The following RNF144A variants were observed in gnomAD, a reference collection of about 807,000 sequenced individuals.
RNF144A encodes the protein ring finger protein 144A, also known as E3 ubiquitin-protein ligase RNF144A.
In RNF144A, 11 loss-of-function variants were observed where a neutral mutation model predicts 38.7. That is an observed-to-expected ratio of 0.28 (90% CI 0.18 to 0.47). The LOEUF (loss-of-function observed/expected upper bound fraction) is 0.47. Ranked by LOEUF, RNF144A falls within the 20% of genes least tolerant of loss-of-function variation. RNF144A has a pLI of 0.99. For missense variants in RNF144A, 316 were observed against 377.2 expected, an observed-to-expected ratio of 0.84 and a Z score of 1.34; for synonymous variants, 149 against 143.9, an observed-to-expected ratio of 1.04 and a Z score of -0.25.
downstream of RNF144A, among the ~76,000 whole-genome samples, chr2:7,046,709 TC>T (rs1344456071): frequency 6.6e-6 from 1 of 152,170 alleles, no homozygotes; most frequent in Non-Finnish European, 1.5e-5. Flanking sequence ...ACATCATGGC[TC>T]ATGCTACCCA....
chr2:7,010,846 G>A (rs1188911677), intron 3 of RNF144A, among the ~76,000 whole-genome samples: 1 of 152,018 alleles, frequency 6.6e-6, no homozygotes, highest in African/African-American at 2.4e-5. Flanking sequence ...GAGCCTCCCT[G>A]CCCCCTTGAA....
At chr2:7,023,394 G>T (rs774938773) in intron 6 of RNF144A, among the ~76,000 whole-genome samples, 1 of 152,110 alleles carries the variant, frequency 6.6e-6, no homozygotes, top group Non-Finnish European at 1.5e-5. Flanking sequence ...CTCAACTGCC[G>T]TGAATATATA....
chr2:7,015,190 C>T (rs971450340), intron 5 of RNF144A, among the ~76,000 whole-genome samples: 3 of 152,150 alleles, frequency 2.0e-5, no homozygotes, highest in East Asian at 1.9e-4. Flanking sequence ...CAGTAACCCC[C>T]GTCCTAACAA....
intron 1 of RNF144A, among the ~76,000 whole-genome samples, chr2:6,921,388 G>A (rs146155953): frequency 2.6e-5 from 4 of 152,322 alleles, no homozygotes; most frequent in Non-Finnish European, 4.4e-5. Flanking sequence ...GGCACTAGAG[G>A]TGGAGGAGGT....
At chr2:7,034,318 T>C (rs1466854306) in intron 8 of RNF144A, among the ~76,000 whole-genome samples, 1 of 150,166 alleles carries the variant, frequency 6.7e-6, no homozygotes, top group East Asian at 2.0e-4. Context: ...CTTGGAGCGA[T>C]AGTGTTTGGG....
chr2:7,030,534 A>G (rs746694655), intron 8 of RNF144A, among the ~76,000 whole-genome samples: 23 of 152,030 alleles, frequency 1.5e-4, no homozygotes, highest in Non-Finnish European at 1.3e-4. Context: ...TGACCTGCTG[A>G]CCGTGTTTAG....
chr2:6,965,715 G>A lies in RNF144A; in HGVS notation c.-12+24568G>A, dbSNP rs74979829. Among the ~76,000 whole-genome samples the A allele has an allele frequency of 7.2e-3, 1,091 of 152,074 alleles. 7 individuals are homozygous for A. Among genetic ancestry groups the A allele is most frequent in the Middle Eastern group, 0.014 (4 of 294 alleles). On this transcript the variant is annotated intron_variant, in intron 2 of 8. Transcript: ENST00000320892. ...CCTTTCCAGGTGAATAAGGAAAAAG[G>A]CACGAGATTTATAAAAATTGCTTTT...
At chr2:6,945,832 G>T (rs929694966) in intron 2 of RNF144A, among the ~76,000 whole-genome samples, 12 of 152,094 alleles carry the variant, frequency 7.9e-5, no homozygotes, top group African/African-American at 2.7e-4. Context: ...ACTGTTAGAA[G>T]AATTATCACA....
intron 2 of RNF144A, among the ~76,000 whole-genome samples, chr2:6,979,065 TGTGTTTCCTGA>T (rs1157169990): frequency 6.6e-6 from 1 of 152,158 alleles, no homozygotes; most frequent in African/African-American, 2.4e-5. Flanking sequence ...AGCAGCCTTG[TGTGTTTCCTGA>T]GTGCCTATTG....
At chr2:6,971,805 C>G (rs1030071570) in intron 2 of RNF144A, among the ~76,000 whole-genome samples, 5 of 152,180 alleles carry the variant, frequency 3.3e-5, no homozygotes, top group Non-Finnish European at 5.9e-5. Context: ...TTCCAGTGAC[C>G]TAAGCCTGCT....
At position 6,988,158 on chromosome 2, in the gene RNF144A, A is replaced by G. The variant is rs1370992961; in HGVS notation, c.-11-8758A>G. Among the ~76,000 whole-genome samples, 13 of 152,364 alleles carry G rather than the reference A, an allele frequency of 8.5e-5. No individual in the cohort carries two copies. In the East Asian group the frequency reaches 2.3e-3, roughly 27 times the overall value. On this transcript the variant is annotated intron_variant, in intron 2 of 8. Transcript: ENST00000320892. Reference sequence around the variant, plus strand: ...GATTTAGTTTTAGATACAGATTTAGATGGACCGATATGGATTTAGATTTAG... The same window carrying G: ...GATTTAGTTTTAGATACAGATTTAGGTGGACCGATATGGATTTAGATTTAG...
rs1481174083 is a variant in RNF144A at position 7,041,850 on chromosome 2, A to C, written c.*2090A>C. Reference sequence around the variant, plus strand: ...GAGTCAGAGCCTTTGGAAAGGCTGCATCCCCAGGGCTAGAGCTCAGATGAC... The same window carrying C: ...GAGTCAGAGCCTTTGGAAAGGCTGCCTCCCCAGGGCTAGAGCTCAGATGAC... On this transcript the variant is annotated 3_prime_UTR_variant, in exon 9 of 9. Coordinates refer to ENST00000320892, the MANE Select transcript of RNF144A (RefSeq NM_014746.6). 1 of 985,354 alleles carries C rather than the reference A, an allele frequency of 1.0e-6. No individual in the cohort carries two copies. The highest frequency in any genetic ancestry group is 1.2e-6 in the Non-Finnish European group (1 of 829,972). The allele number at this position is 985,354 out of a possible 1,614,324, so 61.0% of individuals were successfully genotyped here.
chr2:7,027,493 T>C (rs1271424839), intron 7 of RNF144A, among the ~76,000 whole-genome samples: 2 of 152,174 alleles, frequency 1.3e-5, no homozygotes, highest in African/African-American at 4.8e-5. Context: ...CTCAAACTAG[T>C]GAGGAAGGGA....
chr2:7,016,672 G>A (rs921552409), intron 5 of RNF144A, among the ~76,000 whole-genome samples: 12 of 151,036 alleles, frequency 7.9e-5, no homozygotes, highest in African/African-American at 2.7e-4. Context: ...TAGATAAAAC[G>A]TTAGAATGTC....
At position 7,040,654 on chromosome 2, in the gene RNF144A, A is replaced by G. The variant is rs971149657; in HGVS notation, c.*894A>G. 2.3e-5 allele frequency: 23 copies of G among 985,344 alleles called. No individual in the cohort carries two copies. Among genetic ancestry groups the G allele is most frequent in the South Asian group, 9.4e-5 (2 of 21,296 alleles). The allele number at this position is 985,344 out of a possible 1,614,324, so 61.0% of individuals were successfully genotyped here. On this transcript the variant is annotated 3_prime_UTR_variant, in exon 9 of 9. Coordinates refer to ENST00000320892, the MANE Select transcript of RNF144A (RefSeq NM_014746.6). ...TTGCTCGGCAATGGTTCTCCTCCGA[A>G]TTGCTGCCGTCTGGCCTCTGGCCTC...
chr2:7,015,812 C>A (rs1656742625), intron 5 of RNF144A, among the ~76,000 whole-genome samples: 1 of 152,166 alleles, frequency 6.6e-6, no homozygotes, highest in African/African-American at 2.4e-5. Context: ...TGCTCTCCCT[C>A]TCCCTGCACT....
intron 6 of RNF144A, among the ~76,000 whole-genome samples, chr2:7,056,007 T>A (rs1276240423): frequency 6.6e-6 from 1 of 152,132 alleles, no homozygotes; most frequent in Non-Finnish European, 1.5e-5. Context: ...CAGTAACTAG[T>A]CAGAAGACTA....
intron 3 of RNF144A, among the ~76,000 whole-genome samples, chr2:7,004,445 G>C (rs1670311813): frequency 6.6e-6 from 1 of 152,166 alleles, no homozygotes; most frequent in Admixed American, 6.5e-5. Flanking sequence ...AACTGGCTTA[G>C]AGTCTGGCCC....
At chr2:7,029,019 T>C (rs2103443394) in intron 7 of RNF144A, among the ~76,000 whole-genome samples, 1 of 152,298 alleles carries the variant, frequency 6.6e-6, no homozygotes, top group South Asian at 2.1e-4. Context: ...GGAGAGGAAG[T>C]CCGGCTGCAG....
Sources: allele counts gnomAD v4.1 joint callset (sites outside exome capture counted in the v4.1 genomes callset), GRCh38; gene constraint gnomAD v4.1.1; transcripts MANE v1.5; gene names NCBI Gene and HGNC (gene_info 2026-07-23, HGNC 2026-07-21).